Variants in KIF16B observed in about 807,000 individuals in gnomAD.
The protein encoded by KIF16B is kinesin family member 16B.
In KIF16B, 98 loss-of-function variants were observed where a neutral mutation model predicts 156.3. That is an observed-to-expected ratio of 0.63 (90% CI 0.53 to 0.74). The LOEUF (loss-of-function observed/expected upper bound fraction) is 0.74, where lower values mean the gene tolerates loss of function less well. Among genes scored for constraint, KIF16B ranks in the 30% least tolerant of loss-of-function variants. KIF16B has a pLI of 0.00. For missense variants in KIF16B, 1,421 were observed against 1,606.5 expected (o/e 0.88, Z 1.97); for synonymous variants, 564 against 583.7 (o/e 0.97, Z 0.49).
chr20:16,463,473 C>T (rs959392786), intron 12 of KIF16B, among the ~76,000 whole-genome samples: 7 of 152,168 alleles, frequency 4.6e-5, no homozygotes, highest in Non-Finnish European at 7.4e-5. Context: ...GAGTGAAGTC[C>T]GATGTTTTTT....
intron 1 of KIF16B, among the ~76,000 whole-genome samples, chr20:16,572,371 C>T (rs962351105): frequency 3.9e-5 from 6 of 152,204 alleles, no homozygotes; most frequent in African/African-American, 1.4e-4. Flanking sequence ...AGTCAAATAT[C>T]CACCAACTTG....
At chr20:16,367,820 GA>G in intron 22 of KIF16B, 2 of 1,611,254 alleles carry the variant, frequency 1.2e-6, no homozygotes, top group Non-Finnish European at 1.7e-6. Context: ...AGGAGGTCAC[GA>G]CACAGCTGTT....
intron 25 of KIF16B, among the ~76,000 whole-genome samples, chr20:16,296,533 A>G (rs1039113738): frequency 3.9e-5 from 6 of 152,196 alleles, no homozygotes; most frequent in African/African-American, 7.2e-5. Context: ...TGCTATTTCC[A>G]TAGACAGGAA....
At chr20:16,343,740 C>T (rs182494529) in intron 23 of KIF16B, among the ~76,000 whole-genome samples, 12 of 152,190 alleles carry the variant, frequency 7.9e-5, no homozygotes, top group African/African-American at 2.9e-4. Context: ...TCCTTACATA[C>T]TATAGAAAAT....
intron 3 of KIF16B, among the ~76,000 whole-genome samples, chr20:16,518,058 G>A (rs1328724331): frequency 6.6e-6 from 1 of 152,110 alleles, no homozygotes; most frequent in African/African-American, 2.4e-5. Flanking sequence ...GGGGCTCAGG[G>A]GGTTTGGGGC....
At chr20:16,290,347 C>T (rs1260092697) in intron 25 of KIF16B, among the ~76,000 whole-genome samples, 2 of 152,182 alleles carry the variant, frequency 1.3e-5, no homozygotes, top group Non-Finnish European at 1.5e-5. Flanking sequence ...ATGACTCTAT[C>T]GTGTGCCTCT....
intron 15 of KIF16B, among the ~76,000 whole-genome samples, chr20:16,416,204 T>C (rs2066083034): frequency 6.6e-6 from 1 of 152,216 alleles, no homozygotes; most frequent in Non-Finnish European, 1.5e-5. Flanking sequence ...GCAGAAGCTC[T>C]TTAGTTTAAT....
intron 15 of KIF16B, among the ~76,000 whole-genome samples, chr20:16,424,099 A>G (rs1161903073): frequency 2.6e-5 from 4 of 152,154 alleles, no homozygotes; most frequent in Non-Finnish European, 5.9e-5. Flanking sequence ...GCAAAAAAGC[A>G]GGAAATGCTG....
Position 16,458,130 on chromosome 20 carries a change from G to A in KIF16B, c.1303-28148C>T, listed in dbSNP as rs182376870. 1.4e-3 allele frequency among the ~76,000 whole-genome samples: 210 copies of A among 152,254 alleles called. 1 individual carries two copies. The highest frequency in any genetic ancestry group is 3.1e-3 in the Admixed American group (48 of 15,288). Reference sequence around the variant, plus strand: ...ACTTTACTGCCAAAATGCAGCTGCTGTAAGAGCAACCCACAAAGGCACTGA... The same window carrying A: ...ACTTTACTGCCAAAATGCAGCTGCTATAAGAGCAACCCACAAAGGCACTGA... On this transcript the variant is annotated intron_variant, in intron 12 of 25. Transcript: ENST00000354981.
intron 1 of KIF16B, among the ~76,000 whole-genome samples, chr20:16,563,609 A>G (rs1040044207): frequency 6.6e-6 from 1 of 152,204 alleles, no homozygotes; most frequent in Non-Finnish European, 1.5e-5. Context: ...ACACAACTGG[A>G]CATTTCTAAA....
At chr20:16,545,394 G>T (rs183214230) in intron 1 of KIF16B, among the ~76,000 whole-genome samples, 1 of 151,472 alleles carries the variant, frequency 6.6e-6, no homozygotes, top group African/African-American at 2.4e-5. Flanking sequence ...GCCAGGAGAG[G>T]TGGCTCCCGC....
At chr20:16,371,581 C>T (rs2064819984) in intron 21 of KIF16B, 84 bp downstream of exon 21, 30 of 754,194 alleles carry the variant, frequency 4.0e-5, no homozygotes, top group South Asian at 1.6e-4. Flanking sequence ...CAGAACAAGA[C>T]TCAGTCTCAA....
intron 13 of KIF16B, 118 bp downstream of exon 13, chr20:16,429,745 A>T: frequency 2.4e-6 from 2 of 834,338 alleles, no homozygotes; most frequent in Non-Finnish European, 3.4e-6. Flanking sequence ...GATTTGTTGT[A>T]TATTCTTTAA....
intron 12 of KIF16B, among the ~76,000 whole-genome samples, chr20:16,449,669 G>C (rs1326145727): frequency 2.6e-5 from 4 of 152,166 alleles, no homozygotes; most frequent in African/African-American, 4.8e-5. Context: ...TGGAAATAAG[G>C]TTATAAAACT....
chr20:16,368,731 C>A (rs2064741878), intron 22 of KIF16B: 1 of 985,768 alleles, frequency 1.0e-6, no homozygotes, highest in South Asian at 4.7e-5. Flanking sequence ...CGGGGCACTG[C>A]AGGATGCTCT....
chr20:16,515,396 T>G, intron 4 of KIF16B, 152 bp downstream of exon 4: 1 of 518,070 alleles, frequency 1.9e-6, no homozygotes, highest in Non-Finnish European at 3.4e-6. Context: ...CAAAGGAAAT[T>G]TAGTCCAACT....
intron 22 of KIF16B, among the ~76,000 whole-genome samples, chr20:16,358,535 T>A (rs1386050681): frequency 6.6e-6 from 1 of 152,174 alleles, no homozygotes; most frequent in African/African-American, 2.4e-5. Flanking sequence ...TTGGAGTAAG[T>A]CTCTTGCCCG....
rs1043438362 is a variant in KIF16B at position 16,287,965 on chromosome 20, G to A, written c.3796-14554C>T. Among the ~76,000 whole-genome samples the A allele has an allele frequency of 4.6e-5, 7 of 152,332 alleles. No homozygotes were observed. The East Asian group carries it at 1.2e-3, about 25-fold the overall frequency. On this transcript the variant is annotated intron_variant, in intron 25 of 25. Transcript: ENST00000354981. ...ACCTCACTTGGTTGAAGCAGAAAGT[G>A]GGAGGATGCTGGGCAAGGAGCCCAG...
At chr20:16,414,380 CAGTT>C (rs1161763405) in intron 15 of KIF16B, among the ~76,000 whole-genome samples, 1 of 152,116 alleles carries the variant, frequency 6.6e-6, no homozygotes, top group Non-Finnish European at 1.5e-5. Flanking sequence ...ATCAGATCAT[CAGTT>C]AGTAATTCTG....
Sources: allele counts gnomAD v4.1 joint callset (sites outside exome capture counted in the v4.1 genomes callset), GRCh38; gene constraint gnomAD v4.1.1; transcripts MANE v1.5; gene names NCBI Gene and HGNC (gene_info 2026-07-23, HGNC 2026-07-21).